The following ARPP21 variants were observed in gnomAD, a reference collection of about 807,000 sequenced individuals.
ARPP21 encodes the protein cAMP-regulated phosphoprotein 21.
A neutral mutation model predicts 113.2 loss-of-function variants in ARPP21; 69 were observed. The observed-to-expected ratio is 0.61, with a 90% CI of 0.50 to 0.74. ARPP21 has a LOEUF of 0.74. Among genes scored for constraint, ARPP21 ranks in the 30% least tolerant of loss-of-function variants. The pLI is 0.00. For synonymous variants in ARPP21, 368 were observed against 375.5 expected (o/e 0.98, Z 0.23); for missense variants, 1,070 against 1,037.4 (o/e 1.03, Z -0.43).
At chr3:35,730,450 T>A (rs1239608838) in intron 15 of ARPP21, among the ~76,000 whole-genome samples, 1 of 152,034 alleles carries the variant, frequency 6.6e-6, no homozygotes, top group Non-Finnish European at 1.5e-5. Context: ...CTGCTAAACA[T>A]CCCCCAAGGC....
chr3:35,687,672 T>C, intron 5 of ARPP21, 67 bp from the exon 6 acceptor site: 2 of 1,448,652 alleles, frequency 1.4e-6, no homozygotes, highest in Non-Finnish European at 1.9e-6. Flanking sequence ...ATAACCTCTA[T>C]GCAAAATGGG....
intron 18 of ARPP21, among the ~76,000 whole-genome samples, chr3:35,741,852 T>A (rs1576500650): frequency 6.6e-6 from 1 of 152,174 alleles, no homozygotes; most frequent in African/African-American, 2.4e-5. Flanking sequence ...TAAGAGAGGA[T>A]GAGGTTAGAC....
chr3:35,700,524 A>C (rs1393579245), intron 9 of ARPP21, among the ~76,000 whole-genome samples: 1 of 151,668 alleles, frequency 6.6e-6, no homozygotes, highest in Non-Finnish European at 1.5e-5. Context: ...GAAAAAAAAA[A>C]AGTACACCAA....
chr3:35,730,074 CAG>C (rs555147934), intron 15 of ARPP21, among the ~76,000 whole-genome samples: 218 of 152,212 alleles, frequency 1.4e-3, no homozygotes, highest in Middle Eastern at 3.4e-3. Flanking sequence ...GAAGAGAATA[CAG>C]AGAGAAAATT....
chr3:35,661,678 T>C (rs1358088809), intron 1 of ARPP21, among the ~76,000 whole-genome samples: 3 of 152,188 alleles, frequency 2.0e-5, no homozygotes, highest in Non-Finnish European at 4.4e-5. Flanking sequence ...TCCTGCCTCA[T>C]CTCTCAAAAG....
At chr3:35,718,496 T>C (rs897120447) in intron 13 of ARPP21, among the ~76,000 whole-genome samples, 1 of 152,138 alleles carries the variant, frequency 6.6e-6, no homozygotes, top group East Asian at 1.9e-4. Context: ...CATGGGTTCT[T>C]GTCCCCTAAA....
chr3:35,767,280 C>G (rs1384461826), intron 19 of ARPP21, among the ~76,000 whole-genome samples: 2 of 152,124 alleles, frequency 1.3e-5, no homozygotes, highest in Non-Finnish European at 2.9e-5. Flanking sequence ...ATGCACCTGA[C>G]TTAAATCCTT....
chr3:35,763,783 G>C (rs1364075204), intron 19 of ARPP21, among the ~76,000 whole-genome samples: 1 of 152,094 alleles, frequency 6.6e-6, no homozygotes, highest in Non-Finnish European at 1.5e-5. Context: ...TATTTCCGAA[G>C]TTTTCATCAC....
intron 19 of ARPP21, among the ~76,000 whole-genome samples, chr3:35,750,513 A>G (rs1394028507): frequency 6.6e-6 from 1 of 152,188 alleles, no homozygotes; most frequent in Non-Finnish European, 1.5e-5. Context: ...AATGTCCCAT[A>G]AGCACTTGAA....
chr3:35,663,957 G>A (rs903056768), intron 1 of ARPP21, among the ~76,000 whole-genome samples: 1 of 152,234 alleles, frequency 6.6e-6, no homozygotes. Flanking sequence ...GTAACCGAGG[G>A]TCCTCTTGGA....
At chr3:35,690,826 G>T (rs1321111432) in intron 8 of ARPP21, 39 bp from the exon 9 acceptor site, 5 of 1,572,010 alleles carry the variant, frequency 3.2e-6, no homozygotes, top group Non-Finnish European at 4.3e-6. Context: ...GGCAAAAAAT[G>T]AAAATGCTGA....
chr3:35,738,675 T>C (rs875524), intron 17 of ARPP21, among the ~76,000 whole-genome samples: 28,985 of 152,126 alleles, frequency 0.19, 3,033 homozygotes, highest in African/African-American at 0.27. Flanking sequence ...TGGGAACCAT[T>C]ATCACCCTAT....
At chr3:35,788,936 G>A (rs932302068) in intron 19 of ARPP21, among the ~76,000 whole-genome samples, 2 of 152,096 alleles carry the variant, frequency 1.3e-5, no homozygotes, top group African/African-American at 2.4e-5. Flanking sequence ...TTTGCTAGGA[G>A]GCATTTGTCC....
chr3:35,681,900 C>T lies in ARPP21; in HGVS notation c.129+20C>T. On this transcript the variant is annotated intron_variant, in intron 3 of 20. Transcript: ENST00000684406. ...CTGCAGGTGAGTGAGCATGAAGAGA[C>T]CCTGACTCTCATACAACTGTGTGCA... 5.6e-6 allele frequency: 9 copies of T among 1,610,466 alleles called. No individual in the cohort carries two copies. Among genetic ancestry groups the T allele is most frequent in the Non-Finnish European group, 7.6e-6 (9 of 1,177,926 alleles).
chr3:35,746,067 A>G (rs1008986166), intron 19 of ARPP21, among the ~76,000 whole-genome samples: 1 of 152,216 alleles, frequency 6.6e-6, no homozygotes, highest in African/African-American at 2.4e-5. Flanking sequence ...AAATGATCAT[A>G]AACAGTATTG....
At chr3:35,752,091 G>A (rs983476374) in intron 19 of ARPP21, among the ~76,000 whole-genome samples, 4 of 152,090 alleles carry the variant, frequency 2.6e-5, no homozygotes, top group African/African-American at 9.7e-5. Flanking sequence ...GCTAATTGGG[G>A]AAGCTAACGA....
chr3:35,655,077 T>G (rs1023320880), intron 1 of ARPP21, among the ~76,000 whole-genome samples: 1 of 151,954 alleles, frequency 6.6e-6, no homozygotes, highest in African/African-American at 2.4e-5. Context: ...ACATAAAACA[T>G]ATTGCTACAA....
intron 9 of ARPP21, among the ~76,000 whole-genome samples, chr3:35,705,404 G>A (rs563519981): frequency 6.6e-6 from 1 of 152,150 alleles, no homozygotes; most frequent in Non-Finnish European, 1.5e-5. Flanking sequence ...TAAAGTACAG[G>A]TTTACTTCTT....
chr3:35,648,571 C>T (rs960588079), intron 1 of ARPP21, among the ~76,000 whole-genome samples: 3 of 152,112 alleles, frequency 2.0e-5, no homozygotes, highest in East Asian at 3.9e-4. Context: ...TGGACAGGGC[C>T]GCTGATCTGG....
Sources: allele counts gnomAD v4.1 joint callset (sites outside exome capture counted in the v4.1 genomes callset), GRCh38; gene constraint gnomAD v4.1.1; transcripts MANE v1.5; gene names NCBI Gene and HGNC (gene_info 2026-07-23, HGNC 2026-07-21).